The following MTARC2 variants were observed in gnomAD, a reference collection of about 807,000 sequenced individuals.
MTARC2 encodes the protein MOCO sulphurase C-terminal domain containing 2.
A neutral mutation model predicts 35.6 loss-of-function variants in MTARC2; 27 were observed. The observed-to-expected ratio is 0.76, with a 90% confidence interval of 0.56 to 1.04. The LOEUF is 1.04. Ranked by LOEUF, MTARC2 falls within the 50% of genes least tolerant of loss-of-function variation. The pLI, the probability that MTARC2 is intolerant of heterozygous loss-of-function variation, is 0.00. For synonymous variants in MTARC2, 158 were observed against 167.1 expected (o/e 0.95, Z 0.42); for missense variants, 412 against 432.5 (o/e 0.95, Z 0.42).
chr1:220,763,947 TC>T (rs889562936), intron 4 of MTARC2, among the ~76,000 whole-genome samples: 12 of 152,190 alleles, frequency 7.9e-5, no homozygotes, highest in African/African-American at 2.9e-4. Context: ...GACTTGTAAC[TC>T]CAGCATCTGT....
chr1:220,756,661 A>G (rs565637800), intron 2 of MTARC2, among the ~76,000 whole-genome samples: 2 of 151,170 alleles, frequency 1.3e-5, no homozygotes, highest in South Asian at 2.1e-4. Flanking sequence ...TAATTGGAAG[A>G]CATGTGAAGG....
intron 4 of MTARC2, among the ~76,000 whole-genome samples, chr1:220,766,392 T>C (rs1430109222): frequency 6.6e-6 from 1 of 152,154 alleles, no homozygotes; most frequent in Admixed American, 6.5e-5. Context: ...AGGATGTACA[T>C]AATATCAGAT....
chr1:220,750,973 A>T (rs541921402), intron 1 of MTARC2, among the ~76,000 whole-genome samples: 1 of 152,350 alleles, frequency 6.6e-6, no homozygotes, highest in East Asian at 1.9e-4. Context: ...GTTGAACTTC[A>T]TGGTCTCTAA....
At position 220,780,148 on chromosome 1, in the gene MTARC2, C is replaced by T. The variant is rs1217588405; in HGVS notation, c.813-20C>T. 2 of 1,610,956 alleles carry T rather than the reference C, an allele frequency of 1.2e-6. No individual in the cohort carries two copies. Among genetic ancestry groups the T allele is most frequent in the Non-Finnish European group, 8.5e-7 (1 of 1,178,696 alleles). On this transcript the variant is annotated intron_variant, in intron 5 of 7. Transcript: ENST00000366913. Reference sequence around the variant, plus strand: ...CATTGGTTCCTAAGCATCACCTAACCCTTGGTTACTGCATAACAGGTGTAT... The same window carrying T: ...CATTGGTTCCTAAGCATCACCTAACTCTTGGTTACTGCATAACAGGTGTAT...
At chr1:220,752,391 G>A (rs1399780655) in intron 1 of MTARC2, among the ~76,000 whole-genome samples, 2 of 152,166 alleles carry the variant, frequency 1.3e-5, no homozygotes, top group East Asian at 3.8e-4. Flanking sequence ...TGTGCACCAA[G>A]GGACAAGGCT....
chr1:220,783,691 A>G (rs75638024), intron 7 of MTARC2, among the ~76,000 whole-genome samples: 1,634 of 152,342 alleles, frequency 0.011, 36 homozygotes, highest in African/African-American at 0.037. Flanking sequence ...TGAGATAGAT[A>G]TGATAACAGG....
At chr1:220,767,475 T>C (rs1671612280) in intron 4 of MTARC2, among the ~76,000 whole-genome samples, 1 of 152,204 alleles carries the variant, frequency 6.6e-6, no homozygotes, top group Non-Finnish European at 1.5e-5. Flanking sequence ...TAGCTCAGAA[T>C]ATTAAACGAT....
rs76239624 is a variant in MTARC2 at position 220,777,801 on chromosome 1, C to T, written c.751-2217C>T. ...ATATAGCTCTACATACATCCCCTCC[C>T]GTGTGCAGATGCTTCTTGACTTACC... On this transcript the variant is annotated intron_variant, in intron 4 of 7. Transcript: ENST00000366913. Among the ~76,000 whole-genome samples the T allele has an allele frequency of 9.1e-3, 1,384 of 152,272 alleles. 19 individuals are homozygous for T. The highest frequency in any genetic ancestry group is 0.03 in the African/African-American group (1,234 of 41,548).
At chr1:220,776,859 G>A (rs1334658741) in intron 4 of MTARC2, among the ~76,000 whole-genome samples, 1 of 152,178 alleles carries the variant, frequency 6.6e-6, no homozygotes, top group Non-Finnish European at 1.5e-5. Context: ...CAGCGCGGCT[G>A]GGTCGGCTTC....
At chr1:220,778,886 A>G (rs1365993763) in intron 4 of MTARC2, among the ~76,000 whole-genome samples, 2 of 152,190 alleles carry the variant, frequency 1.3e-5, no homozygotes, top group East Asian at 3.9e-4. Context: ...AACCCTGTCA[A>G]GCCAATCCTC....
At chr1:220,768,811 C>T (rs1005984834) in intron 4 of MTARC2, among the ~76,000 whole-genome samples, 5 of 152,110 alleles carry the variant, frequency 3.3e-5, no homozygotes, top group Non-Finnish European at 4.4e-5. Context: ...ATTTTTCTTT[C>T]GTAATGAAAA....
At chr1:220,781,961 G>A (rs1170836304) in intron 7 of MTARC2, 29 bp downstream of exon 7, 19 of 1,565,908 alleles carry the variant, frequency 1.2e-5, no homozygotes, top group African/African-American at 2.7e-5. Flanking sequence ...TTCTGAATAC[G>A]CTGTCTTGAA....
chr1:220,776,610 A>G (rs1412367047), intron 4 of MTARC2, among the ~76,000 whole-genome samples: 2 of 152,258 alleles, frequency 1.3e-5, no homozygotes, highest in Non-Finnish European at 1.5e-5. Context: ...TAGAGCCGGC[A>G]TTTGGGGGTG....
At chr1:220,764,372 C>A (rs1299618676) in intron 4 of MTARC2, among the ~76,000 whole-genome samples, 1 of 152,162 alleles carries the variant, frequency 6.6e-6, no homozygotes, top group Non-Finnish European at 1.5e-5. Flanking sequence ...GGATTACAGG[C>A]ATGAGCCACT....
At chr1:220,779,496 C>T (rs1490727676) in intron 4 of MTARC2, among the ~76,000 whole-genome samples, 6 of 152,148 alleles carry the variant, frequency 3.9e-5, no homozygotes, top group Non-Finnish European at 8.8e-5. Flanking sequence ...TTCCCACGTT[C>T]AAGGGTGGGA....
At chr1:220,755,704 C>G (rs1485812566) in intron 2 of MTARC2, among the ~76,000 whole-genome samples, 1 of 152,082 alleles carries the variant, frequency 6.6e-6, no homozygotes, top group Non-Finnish European at 1.5e-5. Context: ...GGTTGGTGTT[C>G]CTATTACAGG....
chr1:220,770,394 T>C, intron 4 of MTARC2: 1 of 985,384 alleles, frequency 1.0e-6, no homozygotes, highest in Non-Finnish European at 1.2e-6. Flanking sequence ...AAGGAGGAAG[T>C]GTGTCTTCAG....
In MTARC2 at chr1:220,762,994, A is replaced by T; in HGVS notation, c.694A>T (p.Lys232Ter). The T allele has an allele frequency of 6.2e-7, 1 of 1,614,172 alleles. No homozygotes were observed. The highest frequency in any genetic ancestry group is 2.2e-5 in the East Asian group (1 of 44,872). Residue 232 changes from lysine to a stop codon, truncating the protein, a stop_gained, in exon 4 of 8, where the codon AAA becomes TAA. Coordinates refer to ENST00000366913, the MANE Select transcript of MTARC2 (RefSeq NM_017898.5). LOFTEE classifies it high-confidence loss of function. ...GAATACCAGGATGGAGAAGAAAATG[A>T]AAATGGAGAATTTCAGGCCAAATAT... ...DLNTRMEKKM[K>*]MENFRPNIVV...
chr1:220,780,445 T>A (rs925251747), intron 6 of MTARC2, among the ~76,000 whole-genome samples: 1 of 146,162 alleles, frequency 6.8e-6, no homozygotes, highest in African/African-American at 2.6e-5. Context: ...TCTAGTGCTT[T>A]GGATAAACTT....
Sources: gnomAD v4.1 joint callset for allele counts (sites outside exome capture counted in the v4.1 genomes callset) on GRCh38, gnomAD v4.1.1 for gene constraint, MANE v1.5 for transcripts, NCBI Gene and HGNC (gene_info 2026-07-23, HGNC 2026-07-21) for gene names.